Variants in ADAMTS2 observed in about 807,000 individuals in gnomAD.
ADAMTS2 encodes A disintegrin and metalloproteinase with thrombospondin motifs 2.
In ADAMTS2, 50 loss-of-function variants were observed where a neutral mutation model predicts 123.0. The ratio of observed to expected loss-of-function variants is 0.41; its 90% CI spans 0.32 to 0.51. The LOEUF (loss-of-function observed/expected upper bound fraction) is 0.51, where lower values mean the gene tolerates loss of function less well. Ranked by LOEUF, ADAMTS2 falls within the 20% of genes least tolerant of loss-of-function variation. The pLI is 0.35. For missense variants in ADAMTS2, 1,494 were observed against 1,705.2 expected (o/e 0.88, Z 2.18); for synonymous variants, 678 against 695.4 (o/e 0.98, Z 0.39).
At chr5:179,329,898 G>T (rs539077701) in intron 2 of ADAMTS2, among the ~76,000 whole-genome samples, 1 of 151,750 alleles carries the variant, frequency 6.6e-6, no homozygotes, top group Non-Finnish European at 1.5e-5. Flanking sequence ...AGGCCGAGGC[G>T]GGTGGATCAT....
chr5:179,161,130 G>A (rs1364899915), intron 5 of ADAMTS2, among the ~76,000 whole-genome samples: 2 of 152,226 alleles, frequency 1.3e-5, no homozygotes, highest in African/African-American at 4.8e-5. Flanking sequence ...AGGAGGAAGG[G>A]AGTGGGTATC....
chr5:179,293,102 G>T (rs1756233345), intron 2 of ADAMTS2, among the ~76,000 whole-genome samples: 1 of 152,134 alleles, frequency 6.6e-6, no homozygotes, highest in South Asian at 2.1e-4. Context: ...TCACAGCACT[G>T]GTGTAAGTGC....
rs539797041 is a variant in ADAMTS2, at chr5:179,155,873, C to T, written c.1133-954G>A. On this transcript the variant is annotated intron_variant, in intron 6 of 21. Coordinates refer to ENST00000251582, the MANE Select transcript of ADAMTS2 (RefSeq NM_014244.5). The surrounding 1 kb of genome is among the most constrained non-coding windows in gnomAD (Gnocchi z 5.1). ...GCCCCACTGAGAGACCCTGAGGCCA[C>T]GCGTTCCACAGAGAAGGGAAGGAGG... is the stretch of plus-strand genomic sequence containing the variant. 1.3e-5 allele frequency among the ~76,000 whole-genome samples: 2 copies of T among 152,084 alleles called. No homozygotes were observed. The highest frequency in any genetic ancestry group is 2.9e-5 in the Non-Finnish European group (2 of 68,010).
chr5:179,192,310 G>T (rs1561797491), intron 4 of ADAMTS2, among the ~76,000 whole-genome samples: 1 of 152,206 alleles, frequency 6.6e-6, no homozygotes, highest in Admixed American at 6.5e-5. Flanking sequence ...AGGGTCGTCT[G>T]CTGCCAGCGT....
chr5:179,328,180 G>A (rs1024274083), intron 2 of ADAMTS2, among the ~76,000 whole-genome samples: 7 of 152,080 alleles, frequency 4.6e-5, no homozygotes, highest in South Asian at 2.1e-4. Context: ...CTACAGGCGC[G>A]CACCACCACG....
rs879589126 is a variant in ADAMTS2 at position 179,263,017 on chromosome 5, TCCC to T, written c.688+9891_688+9893del. ...CCCATGATTTGGGGAGCAGTATTAT[TCCC>T]CCATGATTTGGGGAGCAGTATTATT... On this transcript the variant is annotated intron_variant, in intron 3 of 21. Transcript: ENST00000251582. Among the ~76,000 whole-genome samples, 812 of 151,338 alleles carry T rather than the reference TCCC, an allele frequency of 5.4e-3. 1 individual carries two copies. Among genetic ancestry groups the T allele is most frequent in the Non-Finnish European group, 8.9e-3 (603 of 67,820 alleles).
chr5:179,208,124 C>T (rs978288553), intron 3 of ADAMTS2, among the ~76,000 whole-genome samples: 12 of 142,336 alleles, frequency 8.4e-5, no homozygotes, highest in Non-Finnish European at 1.6e-4. Flanking sequence ...CACTGCCTGA[C>T]GCTGGAGTGG....
At position 179,314,946 on chromosome 5, in the gene ADAMTS2, C is replaced by G. The variant is rs1756943784; in HGVS notation, c.534+28821G>C. 6.6e-6 allele frequency among the ~76,000 whole-genome samples: 1 copy of G among 152,160 alleles called. No homozygotes were observed. The highest frequency in any genetic ancestry group is 2.4e-5 in the African/African-American group (1 of 41,424). On this transcript the variant is annotated intron_variant, in intron 2 of 21. Coordinates refer to ENST00000251582, the MANE Select transcript of ADAMTS2 (RefSeq NM_014244.5). This position sits in a 1 kb window ranked among gnomAD's most constrained non-coding sequence, Gnocchi z 4.5. ...TCTTTCCTGACATTAAGCGACTCCC[C>G]TCCCAGAGCCTAATCACAGCCAGCT...
chr5:179,151,380 G>A lies in ADAMTS2; in HGVS notation c.1629+762C>T, dbSNP rs143274758. ...AATTAGGCAGCTGGCCCAGTCCCGAGCCAAAGACTTCCATCAAGGAGCCAC... is the reference window on the plus strand; with the variant it reads ...AATTAGGCAGCTGGCCCAGTCCCGAACCAAAGACTTCCATCAAGGAGCCAC... On this transcript the variant is annotated intron_variant, in intron 10 of 21. Coordinates refer to ENST00000251582, the MANE Select transcript of ADAMTS2 (RefSeq NM_014244.5). Among the ~76,000 whole-genome samples, 2 of 152,314 alleles carry A rather than the reference G, an allele frequency of 1.3e-5. 1 individual carries two copies. Among genetic ancestry groups the A allele is most frequent in the East Asian group, 3.9e-4 (2 of 5,184 alleles).
chr5:179,125,365 G>A (rs1434182035), intron 18 of ADAMTS2, among the ~76,000 whole-genome samples, 185 bp from the exon 19 acceptor site: 3 of 152,222 alleles, frequency 2.0e-5, no homozygotes, highest in African/African-American at 7.2e-5. Context: ...GCACAGAGGG[G>A]AAACTGAGGC....
intron 2 of ADAMTS2, among the ~76,000 whole-genome samples, chr5:179,336,002 A>G (rs1757602246): frequency 6.6e-6 from 1 of 152,208 alleles, no homozygotes; most frequent in South Asian, 2.1e-4. Context: ...ACTTGGAAAT[A>G]CTTTTAATAC....
rs1462241490 is a variant in ADAMTS2 at position 179,262,990 on chromosome 5, C to T, written c.688+9921G>A. On this transcript the variant is annotated intron_variant, in intron 3 of 21. Coordinates refer to ENST00000251582, the MANE Select transcript of ADAMTS2 (RefSeq NM_014244.5). The surrounding 1 kb of genome is among the most constrained non-coding windows in gnomAD (Gnocchi z 5.9). ...CAGTAGAGCTGCTAATGCTATTATT[C>T]CCCCATGATTTGGGGAGCAGTATTA... 2.1e-5 allele frequency among the ~76,000 whole-genome samples: 3 copies of T among 144,928 alleles called. No homozygotes were observed. The highest frequency in any genetic ancestry group is 4.5e-5 in the Non-Finnish European group (3 of 66,704).
intron 2 of ADAMTS2, among the ~76,000 whole-genome samples, chr5:179,316,645 G>A (rs756774928): frequency 6.6e-6 from 1 of 152,230 alleles, no homozygotes; most frequent in Non-Finnish European, 1.5e-5. Context: ...GAGAACTGCT[G>A]TCGAACATGA....
intron 5 of ADAMTS2, among the ~76,000 whole-genome samples, chr5:179,174,731 A>C (rs1763895396): frequency 6.6e-6 from 1 of 152,252 alleles, no homozygotes; most frequent in Admixed American, 6.5e-5. Context: ...TGTTTGGAGG[A>C]AGTCTCTTAC....
intron 6 of ADAMTS2, among the ~76,000 whole-genome samples, chr5:179,156,154 T>C (rs1410253732): frequency 3.3e-5 from 5 of 152,130 alleles, no homozygotes; most frequent in African/African-American, 1.2e-4. Flanking sequence ...TACAGGAGCC[T>C]GCGAGATCTG....
Position 179,180,049 on chromosome 5 carries a change from T to C in ADAMTS2, c.975+1023A>G, listed in dbSNP as rs955901584. On this transcript the variant is annotated intron_variant, in intron 5 of 21. Coordinates refer to ENST00000251582, the MANE Select transcript of ADAMTS2 (RefSeq NM_014244.5). This position sits in a 1 kb window ranked among gnomAD's most constrained non-coding sequence, Gnocchi z 4.6. ...TACCTGGGCATGTCACTAAGTCACA[T>C]TAAGCCTCGGTGTTCTTATCTGTGA... 1.3e-5 allele frequency among the ~76,000 whole-genome samples: 2 copies of C among 152,202 alleles called. No individual in the cohort carries two copies. Among genetic ancestry groups the C allele is most frequent in the Non-Finnish European group, 2.9e-5 (2 of 68,052 alleles).
At chr5:179,241,037 C>T (rs1418765258) in intron 3 of ADAMTS2, among the ~76,000 whole-genome samples, 3 of 152,176 alleles carry the variant, frequency 2.0e-5, no homozygotes, top group Non-Finnish European at 4.4e-5. Context: ...CAGGAGTGAG[C>T]TTGAGTGTTG....
At chr5:179,337,198 G>A (rs979654805) in intron 2 of ADAMTS2, among the ~76,000 whole-genome samples, 1 of 152,102 alleles carries the variant, frequency 6.6e-6, no homozygotes, top group African/African-American at 2.4e-5. Context: ...AGTAGGGGAT[G>A]GGGGTGTCTA....
At position 179,113,906 on chromosome 5, in the gene ADAMTS2, A is replaced by C. The variant is rs1245816073; in HGVS notation, c.3597T>G (p.Ile1199Met). 6.2e-7 allele frequency: 1 copy of C among 1,613,916 alleles called. No homozygotes were observed. Among genetic ancestry groups the C allele is most frequent in the East Asian group, 2.2e-5 (1 of 44,892 alleles). ...GCATCTCTTTCTTCCGCATCTCATC[A>C]ATGAGCTCTTGGATTCTTTGGTTTC... Reference protein sequence around the residue: ...KTRNQRIQELIDEMRKKEMLG... With the variant: ...KTRNQRIQELMDEMRKKEMLG... The change falls in exon 22 of 22, where the codon ATT becomes ATG. Residue 1199 changes from isoleucine to methionine, a missense_variant. Ile to Met is a conservative substitution (Grantham distance 10, BLOSUM62 1). This residue lies in a region of ADAMTS2 where 953 missense variants were observed against 1,124.7 expected (regional missense o/e 0.85). Coordinates refer to ENST00000251582, the MANE Select transcript of ADAMTS2 (RefSeq NM_014244.5).
Sources: allele counts gnomAD v4.1 joint callset (sites outside exome capture counted in the v4.1 genomes callset), GRCh38; gene constraint gnomAD v4.1.1; regional missense constraint gnomAD v4.1.1; non-coding constraint Gnocchi (gnomAD v3.1); transcripts MANE v1.5; gene names NCBI Gene and HGNC (gene_info 2026-07-23, HGNC 2026-07-21).